Variants in TNKS observed in about 807,000 individuals in gnomAD.
TNKS encodes poly [ADP-ribose] polymerase tankyrase-1.
TNKS carries 72 observed loss-of-function variants against 135.8 expected under a neutral mutation model. That is an observed-to-expected ratio of 0.53 (90% CI 0.44 to 0.64). The LOEUF is 0.64. TNKS is among the 30% of genes least tolerant of loss of function. TNKS has a pLI of 0.00. For synonymous variants in TNKS, 849 were observed against 649.3 expected, an observed-to-expected ratio of 1.31 and a Z score of -4.68; for missense variants, 1,769 against 1,674.0, an observed-to-expected ratio of 1.06 and a Z score of -0.99.
Position 9,698,851 on chromosome 8 carries a change from A to T in TNKS, c.1108-5812A>T, listed in dbSNP as rs138225795. ...CAAATGCAAGTTTGTTTTTTCTTAT[A>T]GCCTGAATCCAAGAAGACATCTTTA... On this transcript the variant is annotated intron_variant, in intron 5 of 26. Coordinates refer to ENST00000310430, the MANE Select transcript of TNKS (RefSeq NM_003747.3). Among the ~76,000 whole-genome samples, 23 of 152,342 alleles carry T rather than the reference A, an allele frequency of 1.5e-4. No homozygotes were observed. The East Asian group carries it at 4.4e-3, about 29-fold the overall frequency.
intron 3 of TNKS, among the ~76,000 whole-genome samples, chr8:9,621,109 A>C (rs1332252072): frequency 6.6e-6 from 1 of 152,224 alleles, no homozygotes; most frequent in Admixed American, 6.5e-5. Context: ...TGAATTGCAT[A>C]TAGTCCTATA....
intron 8 of TNKS, 135 bp downstream of exon 8, chr8:9,707,132 C>T: frequency 4.0e-6 from 3 of 757,700 alleles, no homozygotes; most frequent in South Asian, 2.5e-5. Flanking sequence ...TAATTGTATA[C>T]TTTTCTTCAT....
chr8:9,580,433 C>A, intron 2 of TNKS, 50 bp downstream of exon 2: 4 of 1,546,790 alleles, frequency 2.6e-6, no homozygotes, highest in South Asian at 2.3e-5. Context: ...TTTATTCTTA[C>A]TTTTTTTGTG....
Position 9,555,928 on chromosome 8 carries a change from G to T in TNKS, c.-12G>T. The T allele has an allele frequency of 2.5e-6, 4 of 1,605,194 alleles. No individual in the cohort carries two copies. In the South Asian group the frequency reaches 3.4e-5, roughly 13 times the overall value. On this transcript the variant is annotated 5_prime_UTR_variant, in exon 1 of 27. Coordinates refer to ENST00000310430, the MANE Select transcript of TNKS (RefSeq NM_003747.3). Reference sequence around the variant, plus strand: ...GCCGTTGCCGCAGTGACAGTGCTAGGGGAGTCCGAAGATGGCGGCGTCGCG... The same window carrying T: ...GCCGTTGCCGCAGTGACAGTGCTAGTGGAGTCCGAAGATGGCGGCGTCGCG...
At chr8:9,771,459 A>G (rs1563225450) in intron 26 of TNKS, among the ~76,000 whole-genome samples, 4 of 128,932 alleles carry the variant, frequency 3.1e-5, no homozygotes, top group African/African-American at 1.2e-4. Context: ...GAGAGAGAAG[A>G]AGGGAGGGAG....
At chr8:9,670,183 A>G (rs557698644) in intron 3 of TNKS, 23 of 152,362 alleles carry the variant, frequency 1.5e-4, no homozygotes, top group Middle Eastern at 3.4e-3. Flanking sequence ...TCAGAAAAAT[A>G]TGGAGGACAC....
At chr8:9,586,340 G>A (rs1798377992) in intron 2 of TNKS, among the ~76,000 whole-genome samples, 2 of 152,104 alleles carry the variant, frequency 1.3e-5, no homozygotes, top group Admixed American at 1.3e-4. Context: ...ACTAATGAAA[G>A]CAATTTGTTG....
At chr8:9,705,469 G>A (rs1421753388) in intron 6 of TNKS, among the ~76,000 whole-genome samples, 1 of 152,194 alleles carries the variant, frequency 6.6e-6, no homozygotes, top group Non-Finnish European at 1.5e-5. Context: ...AGATGCCCTA[G>A]AGGAGAGTTT....
Position 9,571,623 on chromosome 8 carries a change from A to AT in TNKS, c.674-8529dup, listed in dbSNP as rs34023555. Among the ~76,000 whole-genome samples, 4 of 152,028 alleles carry AT rather than the reference A, an allele frequency of 2.6e-5. No homozygotes were observed. In the East Asian group the frequency reaches 7.7e-4, roughly 29 times the overall value. On this transcript the variant is annotated intron_variant, in intron 1 of 26. Transcript: ENST00000310430. ...CAGGTGCCCACCACCACGCCTGGCTATTTTTTTATATTTGTAGTAGAGACG... is the reference window on the plus strand; with the variant it reads ...CAGGTGCCCACCACCACGCCTGGCTATTTTTTTTATATTTGTAGTAGAGACG...
chr8:9,730,934 C>G lies in TNKS; in HGVS notation c.2046C>G (p.Gly682=), dbSNP rs1468090420. 3 of 1,614,020 alleles carry G rather than the reference C, an allele frequency of 1.9e-6. No individual in the cohort carries two copies. Among genetic ancestry groups the G allele is most frequent in the Middle Eastern group, 1.6e-4 (1 of 6,062 alleles). ...ATGTGAATTGTAGAGACTTAGAGGG[C>G]CGGCATTCCACGCCCTTACACTTCG... ...SQNVNCRDLE[G]RHSTPLHFAA... is the part of the protein sequence containing the mutation. The change falls in exon 14 of 27, where the codon GGC becomes GGG. Residue 682 remains glycine, a synonymous_variant. Transcript: ENST00000310430.
At chr8:9,694,625 G>T (rs1474778161) in intron 5 of TNKS, among the ~76,000 whole-genome samples, 1 of 152,028 alleles carries the variant, frequency 6.6e-6, no homozygotes, top group Non-Finnish European at 1.5e-5. Flanking sequence ...AGCCGGGTGT[G>T]GTGGTGGGCG....
At chr8:9,713,698 C>T (rs1486132177) in intron 11 of TNKS, among the ~76,000 whole-genome samples, 2 of 152,176 alleles carry the variant, frequency 1.3e-5, no homozygotes, top group East Asian at 3.9e-4. Flanking sequence ...ATATCAATTG[C>T]TATCAGTAGA....
chr8:9,772,039 A>G (rs1275307830), intron 26 of TNKS, among the ~76,000 whole-genome samples: 4 of 96,718 alleles, frequency 4.1e-5, no homozygotes, highest in African/African-American at 1.7e-4. Context: ...AGGGAGTGAG[A>G]GGAGACAGAG....
At chr8:9,660,446 TA>T in intron 3 of TNKS, among the ~76,000 whole-genome samples, 1 of 152,272 alleles carries the variant, frequency 6.6e-6, no homozygotes, top group South Asian at 2.1e-4. Context: ...CGAAAATCAA[TA>T]AACGTAATCC....
chr8:9,776,848 A>T lies in TNKS; in HGVS notation c.*112A>T. On this transcript the variant is annotated 3_prime_UTR_variant, in exon 27 of 27. Transcript: ENST00000310430. ...AGAAGTCCCTGACAGCCTAGAAATA[A>T]GCTGTTTGTCTTCTATAAAGCATTG... is the stretch of plus-strand genomic sequence containing the variant. 2.0e-6 allele frequency: 2 copies of T among 1,017,950 alleles called. No homozygotes were observed. Among genetic ancestry groups the T allele is most frequent in the Non-Finnish European group, 2.9e-6 (2 of 678,338 alleles). 63.1% of individuals were successfully genotyped at this position (1,017,950 alleles called of 1,614,324 possible).
At chr8:9,615,818 A>AT (rs1799625311) in intron 3 of TNKS, 141 bp downstream of exon 3, 1 of 621,928 alleles carries the variant, frequency 1.6e-6, no homozygotes, top group Admixed American at 3.0e-5. Context: ...TTTATTATTG[A>AT]TTTGATATCT....
chr8:9,703,609 A>G (rs1224887366), intron 5 of TNKS, among the ~76,000 whole-genome samples: 3 of 152,348 alleles, frequency 2.0e-5, no homozygotes, highest in East Asian at 3.9e-4. Context: ...AGAGACTGAC[A>G]GAATATGTAA....
intron 3 of TNKS, among the ~76,000 whole-genome samples, chr8:9,627,181 T>G (rs1800089443): frequency 6.6e-6 from 1 of 152,174 alleles, no homozygotes; most frequent in African/African-American, 2.4e-5. Flanking sequence ...TGGCAGCTGG[T>G]GCTCCAGGGA....
At chr8:9,772,814 T>A (rs1807998299) in intron 26 of TNKS, among the ~76,000 whole-genome samples, 1 of 72,734 alleles carries the variant, frequency 1.4e-5, no homozygotes. Flanking sequence ...TGTGTTTGTG[T>A]GTGTGTGTGT....
Sources: gnomAD v4.1 joint callset for allele counts (sites outside exome capture counted in the v4.1 genomes callset) on GRCh38, gnomAD v4.1.1 for gene constraint, MANE v1.5 for transcripts, NCBI Gene and HGNC (gene_info 2026-07-23, HGNC 2026-07-21) for gene names.